The following HMG20A variants were observed in gnomAD, a reference collection of about 807,000 sequenced individuals.
The protein encoded by HMG20A is high mobility group 20A.
Under a neutral mutation model 43.9 loss-of-function variants are expected in HMG20A, and 17 were observed. That is an observed-to-expected ratio of 0.39 (90% CI 0.27 to 0.58). The LOEUF is 0.58. Ranked by LOEUF, HMG20A falls within the 20% of genes least tolerant of loss-of-function variation. HMG20A has a pLI of 0.59. For synonymous variants in HMG20A, 132 were observed against 147.5 expected, an observed-to-expected ratio of 0.89 and a Z score of 0.76; for missense variants, 341 against 438.2, an observed-to-expected ratio of 0.78 and a Z score of 1.98.
chr15:77,467,852 G>T (rs1274895508), intron 4 of HMG20A, among the ~76,000 whole-genome samples: 1 of 152,216 alleles, frequency 6.6e-6, no homozygotes, highest in Non-Finnish European at 1.5e-5. Flanking sequence ...TCATTAGAGA[G>T]ATTTGAAAGG....
chr15:77,452,415 C>T (rs979802639), intron 1 of HMG20A, among the ~76,000 whole-genome samples: 74 of 152,074 alleles, frequency 4.9e-4, no homozygotes, highest in African/African-American at 1.7e-3. Flanking sequence ...ATAAAAGGGG[C>T]ATCTGATACA....
chr15:77,470,621 A>G, intron 4 of HMG20A, among the ~76,000 whole-genome samples: 1 of 152,228 alleles, frequency 6.6e-6, no homozygotes, highest in Admixed American at 6.5e-5. Context: ...AACTCTAATC[A>G]TCTTCATGAA....
At chr15:77,474,434 T>C (rs1057081155) in intron 6 of HMG20A, among the ~76,000 whole-genome samples, 6 of 152,150 alleles carry the variant, frequency 3.9e-5, no homozygotes, top group Non-Finnish European at 8.8e-5. Flanking sequence ...CAGAATCACT[T>C]ACTGAATTAA....
rs1384327593 is a variant in HMG20A, at chr15:77,484,303, C to T, written c.*1340C>T. On this transcript the variant is annotated 3_prime_UTR_variant, in exon 10 of 10. Coordinates refer to ENST00000336216, the MANE Select transcript of HMG20A (RefSeq NM_001304504.2). ...GAAAGAGAGGTTCTGATTCTTACCT[C>T]AGGGTTTTTTGGTTGTTCATTGTTT... The T allele has an allele frequency of 6.6e-6, 1 of 152,458 alleles. No homozygotes were observed. The highest frequency in any genetic ancestry group is 1.5e-5 in the Non-Finnish European group (1 of 68,178). 9.4% of individuals were successfully genotyped at this position (152,458 alleles called of 1,614,324 possible).
chr15:77,448,339 C>G (rs1213956875), intron 1 of HMG20A, among the ~76,000 whole-genome samples: 4 of 152,194 alleles, frequency 2.6e-5, no homozygotes, highest in Non-Finnish European at 5.9e-5. Context: ...TTCAGTCCAG[C>G]CACATTTGCC....
chr15:77,429,869 A>G (rs1335831548), intron 1 of HMG20A, among the ~76,000 whole-genome samples: 1 of 152,184 alleles, frequency 6.6e-6, no homozygotes, highest in Non-Finnish European at 1.5e-5. Context: ...AAGTAGAAAA[A>G]CTAATGTGAT....
At chr15:77,488,717 T>A (rs1452355234), downstream of HMG20A, among the ~76,000 whole-genome samples, 1 of 152,230 alleles carries the variant, frequency 6.6e-6, no homozygotes, top group African/African-American at 2.4e-5. Context: ...TTTTCAAAGT[T>A]CACTTTTGAT....
chr15:77,505,755 G>A, the HMG20A span, among the ~76,000 whole-genome samples: 11 of 152,232 alleles, frequency 7.2e-5, no homozygotes, highest in African/African-American at 2.4e-4. Context: ...CAGGGCCGGA[G>A]GGCATGTCCA....
intron 8 of HMG20A, among the ~76,000 whole-genome samples, chr15:77,478,848 T>C (rs2072881494): frequency 6.6e-6 from 1 of 152,238 alleles, no homozygotes. Flanking sequence ...TTTTTAGTTG[T>C]TTTTGTTTTA....
At chr15:77,470,693 T>C (rs1396185167) in intron 4 of HMG20A, among the ~76,000 whole-genome samples, 1 of 152,200 alleles carries the variant, frequency 6.6e-6, no homozygotes, top group Non-Finnish European at 1.5e-5. Context: ...GCAATAAATA[T>C]TCTAAAAACT....
chr15:77,423,020 A>G (rs1184899757), intron 1 of HMG20A, among the ~76,000 whole-genome samples: 1 of 152,236 alleles, frequency 6.6e-6, no homozygotes, highest in Non-Finnish European at 1.5e-5. Flanking sequence ...AATGAAAAAA[A>G]TAGAGAATAT....
At chr15:77,435,705 C>T (rs2073539351) in intron 1 of HMG20A, among the ~76,000 whole-genome samples, 1 of 152,150 alleles carries the variant, frequency 6.6e-6, no homozygotes, top group Non-Finnish European at 1.5e-5. Context: ...TGGTATGCTT[C>T]TACCCCACCA....
chr15:77,436,691 T>G (rs2073552554), intron 1 of HMG20A, among the ~76,000 whole-genome samples: 1 of 152,102 alleles, frequency 6.6e-6, no homozygotes, highest in Admixed American at 6.6e-5. Context: ...ACTCCCAATC[T>G]CAAGTAATCC....
intron 1 of HMG20A, among the ~76,000 whole-genome samples, chr15:77,432,372 A>G (rs1414679310): frequency 2.0e-5 from 3 of 152,176 alleles, no homozygotes; most frequent in African/African-American, 4.8e-5. Flanking sequence ...AGCAAATTAA[A>G]CCCAAAGTAA....
At chr15:77,515,686 G>C in the HMG20A span, among the ~76,000 whole-genome samples, 1 of 152,330 alleles carries the variant, frequency 6.6e-6, no homozygotes, top group East Asian at 1.9e-4. Flanking sequence ...TGATCACGAA[G>C]TGAATTCACT....
chr15:77,510,874 G>A, the HMG20A span, among the ~76,000 whole-genome samples: 39 of 152,352 alleles, frequency 2.6e-4, no homozygotes, highest in South Asian at 5.6e-3. Flanking sequence ...GCGGAAATGC[G>A]CTGAGGCCAT....
chr15:77,511,385 C>G, the HMG20A span, among the ~76,000 whole-genome samples: 1 of 152,130 alleles, frequency 6.6e-6, no homozygotes, highest in Admixed American at 6.5e-5. Context: ...CAGATCTGCC[C>G]CCAAATCATT....
intron 9 of HMG20A, among the ~76,000 whole-genome samples, chr15:77,481,441 G>A (rs961480878): frequency 6.6e-6 from 1 of 152,182 alleles, no homozygotes; most frequent in African/African-American, 2.4e-5. Context: ...TGAGAGCTGG[G>A]AGAAACAGTG....
At chr15:77,492,882 A>G in the HMG20A span, among the ~76,000 whole-genome samples, 1 of 152,130 alleles carries the variant, frequency 6.6e-6, no homozygotes, top group South Asian at 2.1e-4. Context: ...GGAGCAGAGG[A>G]GATTAGAGAC....
Sources: gnomAD v4.1 joint callset for allele counts (sites outside exome capture counted in the v4.1 genomes callset) on GRCh38, gnomAD v4.1.1 for gene constraint, MANE v1.5 for transcripts, NCBI Gene and HGNC (gene_info 2026-07-23, HGNC 2026-07-21) for gene names.